Variants in TSPAN18 observed in about 807,000 individuals in gnomAD.
The protein encoded by TSPAN18 is tetraspanin 18, also known as tetraspanin-18.
In TSPAN18, 14 loss-of-function variants were observed where a neutral mutation model predicts 27.3. The ratio of observed to expected loss-of-function variants is 0.51; its 90% CI spans 0.34 to 0.80. TSPAN18 has a LOEUF of 0.80. TSPAN18 is among the 30% of genes least tolerant of loss of function. The pLI is 0.01. For synonymous variants in TSPAN18, 143 were observed against 136.5 expected (o/e 1.05, Z -0.33); for missense variants, 268 against 323.9 (o/e 0.83, Z 1.32).
At chr11:44,910,028 C>A in intron 5 of TSPAN18, 129 bp downstream of exon 5, 2 of 1,127,302 alleles carry the variant, frequency 1.8e-6, no homozygotes, top group Admixed American at 2.9e-5. Flanking sequence ...GCTGTCAAAG[C>A]AGAAGGGATC....
chr11:44,851,621 C>CG (rs1554991787), intron 2 of TSPAN18, among the ~76,000 whole-genome samples: 3 of 148,288 alleles, frequency 2.0e-5, no homozygotes, highest in Non-Finnish European at 3.0e-5. Flanking sequence ...CACCTCCCCC[C>CG]CCCAACGGCT....
rs1352336281 is a variant in TSPAN18, at chr11:44,754,408, G to A, written c.-239-10018G>A. On this transcript the variant is annotated intron_variant, in intron 1 of 9. Transcript: ENST00000520358. Reference sequence around the variant, plus strand: ...TATCCTTGGGCATGCGTTCCTGTGTGTTTAATACTGCACATTGCATCCACG... The same window carrying A: ...TATCCTTGGGCATGCGTTCCTGTGTATTTAATACTGCACATTGCATCCACG... Among the ~76,000 whole-genome samples the A allele has an allele frequency of 2.0e-5, 3 of 152,204 alleles. No individual in the cohort carries two copies. The East Asian group carries it at 5.8e-4, about 29-fold the overall frequency.
chr11:44,928,349 C>T (rs965472845), intron 9 of TSPAN18, among the ~76,000 whole-genome samples: 10 of 152,216 alleles, frequency 6.6e-5, no homozygotes, highest in African/African-American at 2.2e-4. Flanking sequence ...TTAAATCTCA[C>T]CACCTTCCTG....
At chr11:44,895,814 G>A (rs1309383365) in intron 3 of TSPAN18, among the ~76,000 whole-genome samples, 3 of 152,164 alleles carry the variant, frequency 2.0e-5, no homozygotes, top group Non-Finnish European at 4.4e-5. Context: ...GTGATACAGG[G>A]GACCAGGACT....
chr11:44,759,955 A>T (rs1365778228), intron 1 of TSPAN18, among the ~76,000 whole-genome samples: 1 of 152,174 alleles, frequency 6.6e-6, no homozygotes. Context: ...GTTTTGAAGG[A>T]TGATTAGGAG....
chr11:44,745,484 T>G (rs1202617995), intron 1 of TSPAN18, among the ~76,000 whole-genome samples: 6 of 152,134 alleles, frequency 3.9e-5, no homozygotes, highest in African/African-American at 2.4e-5. Context: ...TGATTCTACT[T>G]ATATAAAGTT....
chr11:44,851,364 C>T (rs1857596284), intron 2 of TSPAN18, among the ~76,000 whole-genome samples: 1 of 152,166 alleles, frequency 6.6e-6, no homozygotes, highest in East Asian at 1.9e-4. Context: ...CCTCTAAGGC[C>T]TGTGTACTTT....
intron 2 of TSPAN18, among the ~76,000 whole-genome samples, chr11:44,793,157 G>GTC (rs892205809): frequency 3.0e-4 from 45 of 152,296 alleles, no homozygotes; most frequent in African/African-American, 1.1e-3. Context: ...TCATGCTTCA[G>GTC]TCTCCCAAGA....
Position 44,871,810 on chromosome 11 carries a change from T to C in TSPAN18, c.-11+11341T>C, listed in dbSNP as rs544197342. The stretch of plus-strand genomic sequence containing the variant: ...ACCTGCCTCAGGGATGCCCAGCCCA[T>C]ACCCTTGGACTTGGAGGCAGGTTCA... On this transcript the variant is annotated intron_variant, in intron 3 of 9. Transcript: ENST00000520358. Among the ~76,000 whole-genome samples the C allele has an allele frequency of 2.6e-5, 4 of 152,312 alleles. No individual in the cohort carries two copies. The South Asian group carries it at 8.3e-4, about 32-fold the overall frequency.
chr11:44,768,233 A>G (rs1855614089), intron 2 of TSPAN18, among the ~76,000 whole-genome samples: 1 of 152,170 alleles, frequency 6.6e-6, no homozygotes, highest in Non-Finnish European at 1.5e-5. Flanking sequence ...CTATTTTTGA[A>G]CACTGATCAG....
intron 2 of TSPAN18, among the ~76,000 whole-genome samples, chr11:44,824,565 G>A (rs1247936171): frequency 6.6e-6 from 1 of 152,240 alleles, no homozygotes; most frequent in African/African-American, 2.4e-5. Flanking sequence ...CAAAGCTGGG[G>A]CCTTGTCTAG....
chr11:44,858,560 C>T (rs1857796468), intron 2 of TSPAN18, among the ~76,000 whole-genome samples: 1 of 152,212 alleles, frequency 6.6e-6, no homozygotes. Flanking sequence ...AGGACTCCTG[C>T]CTGTGGGTCC....
intron 2 of TSPAN18, among the ~76,000 whole-genome samples, chr11:44,820,935 G>A (rs1352798217): frequency 6.6e-6 from 1 of 152,150 alleles, no homozygotes; most frequent in Non-Finnish European, 1.5e-5. Flanking sequence ...TTCACCAGAA[G>A]CCAGCCAGAT....
At chr11:44,857,603 C>A (rs575125188) in intron 2 of TSPAN18, among the ~76,000 whole-genome samples, 8 of 152,178 alleles carry the variant, frequency 5.3e-5, no homozygotes, top group Non-Finnish European at 1.0e-4. Context: ...CTGGCCTCAA[C>A]GAGTGTGGGA....
intron 2 of TSPAN18, among the ~76,000 whole-genome samples, chr11:44,764,989 T>A (rs1429028796): frequency 1.3e-5 from 2 of 152,152 alleles, no homozygotes; most frequent in African/African-American, 4.8e-5. Context: ...ATCACCACAT[T>A]CCATGGTGAA....
chr11:44,918,813 C>G (rs937483559), intron 6 of TSPAN18, among the ~76,000 whole-genome samples: 1 of 151,886 alleles, frequency 6.6e-6, no homozygotes, highest in African/African-American at 2.4e-5. Context: ...TGTACAAAGA[C>G]TTCCTGCCCG....
At chr11:44,760,173 C>T (rs953698130) in intron 1 of TSPAN18, among the ~76,000 whole-genome samples, 7 of 152,174 alleles carry the variant, frequency 4.6e-5, no homozygotes, top group Non-Finnish European at 8.8e-5. Flanking sequence ...TGTGTCTAGA[C>T]AAAGGGAGGC....
intron 2 of TSPAN18, among the ~76,000 whole-genome samples, chr11:44,801,112 A>C (rs938142107): frequency 6.6e-6 from 1 of 152,186 alleles, no homozygotes; most frequent in African/African-American, 2.4e-5. Context: ...CCCTTAGAGC[A>C]TTTGCTTATT....
Position 44,919,259 on chromosome 11 carries a change from G to T in TSPAN18, c.379G>T (p.Gly127Cys). The change falls in exon 7 of 10, where the codon GGC (glycine) becomes TGC (cysteine). Residue 127 changes from glycine (G) to cysteine (C), a missense_variant. Transcript: ENST00000520358. ...CAAGGAGCTCACCAAGCACTACCAG[G>T]GCAATAACGACACAGACGTCTTCTC... ...FTKELTKHYQ[G>C]NNDTDVFSAT... The T allele has an allele frequency of 1.9e-6, 3 of 1,614,096 alleles. No individual in the cohort carries two copies. The highest frequency in any genetic ancestry group is 2.5e-6 in the Non-Finnish European group (3 of 1,180,014).
Sources: gnomAD v4.1 joint callset for allele counts (sites outside exome capture counted in the v4.1 genomes callset) on GRCh38, gnomAD v4.1.1 for gene constraint, MANE v1.5 for transcripts, NCBI Gene and HGNC (gene_info 2026-07-23, HGNC 2026-07-21) for gene names.